The following GULP1 variants were observed in gnomAD, a reference collection of about 807,000 sequenced individuals.
GULP1 encodes GULP PTB domain containing engulfment adaptor 1.
A neutral mutation model predicts 40.9 loss-of-function variants in GULP1; 19 were observed. The ratio of observed to expected loss-of-function variants is 0.46; its 90% CI spans 0.32 to 0.68. The LOEUF is 0.68. GULP1 is among the 30% of genes least tolerant of loss of function. The pLI is 0.03. For missense variants in GULP1, 312 were observed against 362.2 expected, an observed-to-expected ratio of 0.86 and a Z score of 1.12; for synonymous variants, 119 against 117.6, an observed-to-expected ratio of 1.01 and a Z score of -0.08.
At chr2:188,524,705 A>G (rs1685712715) in intron 5 of GULP1, among the ~76,000 whole-genome samples, 1 of 151,334 alleles carries the variant, frequency 6.6e-6, no homozygotes. Context: ...CTGGCTCGCA[A>G]TGGCCAGTAG....
intron 2 of GULP1, among the ~76,000 whole-genome samples, chr2:188,416,136 A>G (rs542291628): frequency 6.6e-6 from 1 of 152,146 alleles, no homozygotes; most frequent in African/African-American, 2.4e-5. Flanking sequence ...TCAAAATGAA[A>G]TTCTTCTTAG....
At chr2:188,425,227 ACT>A (rs895142205) in intron 2 of GULP1, among the ~76,000 whole-genome samples, 53 of 152,100 alleles carry the variant, frequency 3.5e-4, no homozygotes, top group Non-Finnish European at 3.4e-4. Flanking sequence ...TCATTTGCTG[ACT>A]CTCAAAATAA....
At chr2:188,421,691 A>G (rs1021668088) in intron 2 of GULP1, among the ~76,000 whole-genome samples, 24 of 152,184 alleles carry the variant, frequency 1.6e-4, no homozygotes, top group African/African-American at 5.8e-4. Flanking sequence ...GATAGATTAT[A>G]TAGATAGATT....
intron 2 of GULP1, among the ~76,000 whole-genome samples, chr2:188,453,393 G>C (rs1423791498): frequency 6.6e-6 from 1 of 151,890 alleles, no homozygotes; most frequent in Non-Finnish European, 1.5e-5. Flanking sequence ...GCCCCCTTTA[G>C]GCCTTCATGG....
At chr2:188,413,191 GTGGCTTC>G (rs2054140423) in intron 2 of GULP1, among the ~76,000 whole-genome samples, 1 of 152,160 alleles carries the variant, frequency 6.6e-6, no homozygotes, top group African/African-American at 2.4e-5. Flanking sequence ...AGTCTAAGAT[GTGGCTTC>G]TTCACATCAC....
At chr2:188,409,228 CT>C (rs1335841960) in intron 2 of GULP1, among the ~76,000 whole-genome samples, 3 of 151,940 alleles carry the variant, frequency 2.0e-5, no homozygotes, top group Admixed American at 2.0e-4. Context: ...ATCAACAAGC[CT>C]TTAAACTAAA....
chr2:188,397,451 T>A (rs1031421713), intron 2 of GULP1, among the ~76,000 whole-genome samples: 1 of 152,234 alleles, frequency 6.6e-6, no homozygotes, highest in Non-Finnish European at 1.5e-5. Flanking sequence ...TCTTGAGGAC[T>A]GGGTCATTAT....
intron 1 of GULP1, among the ~76,000 whole-genome samples, chr2:188,346,472 A>G (rs932507247): frequency 2.0e-5 from 3 of 151,958 alleles, no homozygotes; most frequent in East Asian, 1.9e-4. Flanking sequence ...TTACAACAAT[A>G]ATCTCTTTTT....
chr2:188,587,048 A>T (rs187591754), intron 10 of GULP1, among the ~76,000 whole-genome samples: 2 of 152,092 alleles, frequency 1.3e-5, no homozygotes, highest in East Asian at 3.9e-4. Flanking sequence ...ATATAGTGTA[A>T]TGTTTTTCCA....
intron 6 of GULP1, among the ~76,000 whole-genome samples, chr2:188,534,013 G>A (rs1443354603): frequency 2.0e-5 from 3 of 152,162 alleles, no homozygotes; most frequent in Admixed American, 2.0e-4. Context: ...AAAAGAGAAT[G>A]CTTATACACT....
At chr2:188,592,989 A>G (rs1703872507) in intron 11 of GULP1, 1 of 152,102 alleles carries the variant, frequency 6.6e-6, no homozygotes, top group Non-Finnish European at 1.5e-5. Context: ...CCTTTCTGAA[A>G]CATTTCAGTT....
At chr2:188,541,671 G>A (rs749289207) in intron 7 of GULP1, 5 of 401,982 alleles carry the variant, frequency 1.2e-5, no homozygotes, top group Non-Finnish European at 2.2e-5. Context: ...AACAGTAGTG[G>A]TGAGCAAACG....
At chr2:188,417,271 T>C (rs1030298188) in intron 2 of GULP1, among the ~76,000 whole-genome samples, 4 of 152,316 alleles carry the variant, frequency 2.6e-5, no homozygotes, top group Admixed American at 1.3e-4. Context: ...AAAGCATGGC[T>C]CATTGGATTA....
chr2:188,522,024 C>T (rs574372521), intron 4 of GULP1, among the ~76,000 whole-genome samples: 42 of 152,124 alleles, frequency 2.8e-4, no homozygotes, highest in African/African-American at 7.2e-4. Context: ...TGCAGTGAGC[C>T]GAGATAGCGC....
intron 9 of GULP1, among the ~76,000 whole-genome samples, chr2:188,573,853 A>G (rs1699632752): frequency 6.6e-6 from 1 of 152,200 alleles, no homozygotes; most frequent in Non-Finnish European, 1.5e-5. Context: ...ATGAGTTTTT[A>G]GTGGTGAGAG....
chr2:188,296,046 A>G (rs2034846162), intron 1 of GULP1, among the ~76,000 whole-genome samples: 1 of 152,146 alleles, frequency 6.6e-6, no homozygotes, highest in South Asian at 2.1e-4. Context: ...CAGTATAATA[A>G]TGAATTCAAA....
At chr2:188,337,680 G>A (rs2042450822) in intron 1 of GULP1, among the ~76,000 whole-genome samples, 1 of 151,874 alleles carries the variant, frequency 6.6e-6, no homozygotes, top group African/African-American at 2.4e-5. Context: ...AGTGTGCCTG[G>A]TGATGGTAGT....
chr2:188,350,026 AG>A (rs1171458689), intron 1 of GULP1, among the ~76,000 whole-genome samples: 2 of 152,164 alleles, frequency 1.3e-5, no homozygotes, highest in Non-Finnish European at 1.5e-5. Flanking sequence ...TATACATATA[AG>A]GGTTTATTTC....
chr2:188,459,430 T>C (rs2059529607), intron 2 of GULP1, among the ~76,000 whole-genome samples: 1 of 152,090 alleles, frequency 6.6e-6, no homozygotes, highest in East Asian at 1.9e-4. Flanking sequence ...CTACAGAAAA[T>C]ACATCCTTTT....
Sources: allele counts gnomAD v4.1 joint callset (sites outside exome capture counted in the v4.1 genomes callset), GRCh38; gene constraint gnomAD v4.1.1; transcripts MANE v1.5; gene names NCBI Gene and HGNC (gene_info 2026-07-23, HGNC 2026-07-21).